Variants in PRKCZ observed in about 807,000 individuals in gnomAD.
The protein encoded by PRKCZ is protein kinase C zeta, also known as protein kinase C zeta type.
Under a neutral mutation model 79.5 loss-of-function variants are expected in PRKCZ, and 33 were observed. The ratio of observed to expected loss-of-function variants is 0.41; its 90% CI spans 0.31 to 0.55. The LOEUF (loss-of-function observed/expected upper bound fraction) is 0.55. PRKCZ is among the 20% of genes least tolerant of loss of function. The probability of loss-of-function intolerance (pLI) is 0.19; values close to 1 mark genes in which losing one functional copy is unlikely to be tolerated. For synonymous variants in PRKCZ, 342 were observed against 320.9 expected (o/e 1.07, Z -0.70); for missense variants, 578 against 813.5 (o/e 0.71, Z 3.52).
At chr1:2,183,601 AGAG>A (rs1687072459) in intron 16 of PRKCZ, 1 of 152,562 alleles carries the variant, frequency 6.6e-6, no homozygotes, top group African/African-American at 2.4e-5. Flanking sequence ...TCTAGGGAGC[AGAG>A]TTCTTTCCCA....
chr1:2,120,952 TACAGGGTC>T (rs1272372952), intron 4 of PRKCZ, among the ~76,000 whole-genome samples: 1 of 151,760 alleles, frequency 6.6e-6, no homozygotes, highest in Non-Finnish European at 1.5e-5. Flanking sequence ...CAGCTGGGAT[TACAGGGTC>T]ACACTACCAC....
intron 10 of PRKCZ, among the ~76,000 whole-genome samples, chr1:2,167,467 C>T (rs936274968): frequency 4.6e-5 from 7 of 151,996 alleles, no homozygotes; most frequent in Non-Finnish European, 8.8e-5. Flanking sequence ...TCCCAGGCGC[C>T]GCAGCAGCAC....
At chr1:2,056,327 C>T (rs573068068) in intron 2 of PRKCZ, among the ~76,000 whole-genome samples, 157 bp from the exon 3 acceptor site, 5 of 152,318 alleles carry the variant, frequency 3.3e-5, no homozygotes, top group South Asian at 2.1e-4. Context: ...TGTGGACGGC[C>T]GTCCTTGGAC....
In PRKCZ at chr1:2,172,118, G is replaced by A. The variant is rs1338725955; in HGVS notation, c.1125G>A (p.Arg375=). The A allele has an allele frequency of 6.2e-7, 1 of 1,613,404 alleles. No homozygotes were observed. The highest frequency in any genetic ancestry group is 8.5e-7 in the Non-Finnish European group (1 of 1,179,990). ...TGCACGAGAGGGGGATCATCTACAG[G>A]GACCTGAAGCTGGACAACGTCCTCC... The part of the protein sequence containing the change: ...NFLHERGIIY[R]DLKLDNVLLD... The change falls in exon 12 of 18, where the codon AGG becomes AGA. Residue 375 remains arginine (R), a synonymous_variant. Coordinates refer to ENST00000378567, the MANE Select transcript of PRKCZ (RefSeq NM_002744.6). The surrounding 1 kb of genome is among the most constrained non-coding windows in gnomAD (Gnocchi z 7.8).
chr1:2,166,561 C>T (rs1683359973), intron 10 of PRKCZ, among the ~76,000 whole-genome samples: 2 of 152,196 alleles, frequency 1.3e-5, no homozygotes, highest in Admixed American at 1.3e-4. Context: ...CCCAGCGCCT[C>T]CAGGCCACAA....
chr1:2,062,194 C>T (rs917833220), intron 4 of PRKCZ, among the ~76,000 whole-genome samples: 6 of 152,224 alleles, frequency 3.9e-5, no homozygotes, highest in African/African-American at 1.2e-4. Flanking sequence ...CAACTATCAT[C>T]TCTATGTAGT....
chr1:2,132,054 G>A (rs1675086637), intron 4 of PRKCZ, among the ~76,000 whole-genome samples: 1 of 152,156 alleles, frequency 6.6e-6, no homozygotes, highest in Non-Finnish European at 1.5e-5. Context: ...CTTGTGATCT[G>A]CCCGCCTCGG....
intron 4 of PRKCZ, among the ~76,000 whole-genome samples, chr1:2,126,389 G>C (rs1299268899): frequency 2.0e-5 from 3 of 152,096 alleles, no homozygotes; most frequent in Non-Finnish European, 4.4e-5. Context: ...TGCAGGTGAT[G>C]GGCAGGTCCC....
intron 4 of PRKCZ, among the ~76,000 whole-genome samples, chr1:2,117,481 C>A (rs563909721): frequency 6.6e-6 from 1 of 152,120 alleles, no homozygotes; most frequent in South Asian, 2.1e-4. Flanking sequence ...CGGAACCTCT[C>A]TGTGCGCTGC....
At chr1:2,130,186 A>G (rs1409062363) in intron 4 of PRKCZ, among the ~76,000 whole-genome samples, 1 of 152,212 alleles carries the variant, frequency 6.6e-6, no homozygotes. Flanking sequence ...GGTTACAAGC[A>G]TGAGCCGCCA....
chr1:2,167,272 T>G (rs1683520037), intron 10 of PRKCZ, among the ~76,000 whole-genome samples: 1 of 152,266 alleles, frequency 6.6e-6, no homozygotes, highest in South Asian at 2.1e-4. Context: ...GGCCTCCGCC[T>G]CTACCTCTCT....
At chr1:2,084,951 G>GTGAGC (rs1227520118) in intron 4 of PRKCZ, among the ~76,000 whole-genome samples, 1 of 152,102 alleles carries the variant, frequency 6.6e-6, no homozygotes, top group African/African-American at 2.4e-5. Context: ...CGAGGCTGCA[G>GTGAGC]TGAGCTGAGA....
rs751537530 is a variant in PRKCZ at position 2,081,158 on chromosome 1, C to T, written c.334+21567C>T. Reference sequence around the variant, plus strand: ...TACATACGTGATGTCAAGTTTTGCACGGGACTTGTACGTCTGTTCTCCCAT... The same window carrying T: ...TACATACGTGATGTCAAGTTTTGCATGGGACTTGTACGTCTGTTCTCCCAT... On this transcript the variant is annotated intron_variant, in intron 4 of 17. Transcript: ENST00000378567. 2.0e-5 allele frequency among the ~76,000 whole-genome samples: 3 copies of T among 152,346 alleles called. No individual in the cohort carries two copies. The East Asian group carries it at 5.8e-4, about 29-fold the overall frequency.
intron 4 of PRKCZ, among the ~76,000 whole-genome samples, chr1:2,107,879 G>A (rs918864747): frequency 6.7e-6 from 1 of 150,216 alleles, no homozygotes; most frequent in Non-Finnish European, 1.5e-5. Flanking sequence ...CCAACACCCC[G>A]GCAGTGTCCA....
rs941955526 is a variant in PRKCZ, at chr1:2,074,336, G to A, written c.334+14745G>A. 14 of 1,545,520 alleles carry A rather than the reference G, an allele frequency of 9.1e-6. No homozygotes were observed. In the African/African-American group the frequency reaches 1.8e-4, roughly 20 times the overall value. On this transcript the variant is annotated intron_variant, in intron 4 of 17. Transcript: ENST00000378567. ...GCTGTGGAGGGCTGGGGGCCGGGGG[G>A]CTTGGGGAAATCGTCTTGGGCTCGT... is the stretch of plus-strand genomic sequence containing the variant.
At position 2,178,429 on chromosome 1, in the gene PRKCZ, G is replaced by A. The variant is rs552225816; in HGVS notation, c.1575+3116G>A. Among the ~76,000 whole-genome samples the A allele has an allele frequency of 5.3e-5, 8 of 152,326 alleles. No individual in the cohort carries two copies. Among genetic ancestry groups the A allele is most frequent in the African/African-American group, 9.6e-5 (4 of 41,570 alleles). On this transcript the variant is annotated intron_variant, in intron 16 of 17. Coordinates refer to ENST00000378567, the MANE Select transcript of PRKCZ (RefSeq NM_002744.6). The surrounding 1 kb of genome is among the most constrained non-coding windows in gnomAD (Gnocchi z 4.3). ...GCGTGGAGACTGCACCTCTGCATCC[G>A]TCCTCAGTGGACATAGGGTGGCCTC...
At chr1:2,058,278 C>T (rs935560168) in intron 3 of PRKCZ, among the ~76,000 whole-genome samples, 1 of 151,376 alleles carries the variant, frequency 6.6e-6, no homozygotes, top group Non-Finnish European at 1.5e-5. Context: ...GTTGGGATTA[C>T]AGGCGTGAGC....
intron 4 of PRKCZ, among the ~76,000 whole-genome samples, chr1:2,118,450 G>A (rs924181797): frequency 4.3e-4 from 65 of 150,734 alleles, no homozygotes; most frequent in African/African-American, 1.5e-3. Context: ...CCATTCTCCT[G>A]CCTCAGCCTC....
intron 8 of PRKCZ, among the ~76,000 whole-genome samples, chr1:2,150,551 G>A (rs1334462034): frequency 6.6e-6 from 1 of 152,230 alleles, no homozygotes; most frequent in Non-Finnish European, 1.5e-5. Context: ...GGAACGAACA[G>A]CTTCTAGCTT....
Sources: allele counts gnomAD v4.1 joint callset (sites outside exome capture counted in the v4.1 genomes callset), GRCh38; gene constraint gnomAD v4.1.1; non-coding constraint Gnocchi (gnomAD v3.1); transcripts MANE v1.5; gene names NCBI Gene and HGNC (gene_info 2026-07-23, HGNC 2026-07-21).